NECAP1: variants seen among roughly 807,000 people sequenced by gnomAD.
NECAP1 encodes NECAP endocytosis associated 1, also known as adaptin ear-binding coat-associated protein 1.
In NECAP1, 13 loss-of-function variants were observed where a neutral mutation model predicts 33.4. That is an observed-to-expected ratio of 0.39 (90% confidence interval 0.25 to 0.62). The LOEUF (loss-of-function observed/expected upper bound fraction) is 0.62. NECAP1 is among the 20% of genes least tolerant of loss of function. NECAP1 has a pLI of 0.52. For synonymous variants in NECAP1, 109 were observed against 125.2 expected, an observed-to-expected ratio of 0.87 and a Z score of 0.86; for missense variants, 272 against 347.4, an observed-to-expected ratio of 0.78 and a Z score of 1.73.
At position 8,097,734 on chromosome 12, in the gene NECAP1, T is replaced by TAATACAC. The variant is rs1349682136; in HGVS notation, c.*1644_*1645insAATACAC. 1.3e-5 allele frequency: 2 copies of TAATACAC among 152,682 alleles called. No individual in the cohort carries two copies. The highest frequency in any genetic ancestry group is 1.5e-5 in the Non-Finnish European group (1 of 68,050). 9.5% of individuals were successfully genotyped at this position (152,682 alleles called of 1,614,324 possible). A position where few individuals can be genotyped will look rare whatever the true frequency, so the allele number is the denominator to read the frequency against. ...ATATGTATATAAAGTGTATGCTGTA[T>TAATACAC]TGGTGCAATAATGGTAATTAAAAAT... is the stretch of plus-strand genomic sequence containing the variant. On this transcript the variant is annotated 3_prime_UTR_variant, in exon 8 of 8. Transcript: ENST00000339754.
chr12:8,090,664 C>G (rs1947535359), intron 3 of NECAP1: 1 of 177,398 alleles, frequency 5.6e-6, no homozygotes, highest in Non-Finnish European at 1.2e-5. Flanking sequence ...AAAAATTAGC[C>G]AGGCGTGGTG....
At position 8,097,881 on chromosome 12, in the gene NECAP1, A is replaced by G. The variant is rs1367604273; in HGVS notation, c.*1791A>G. 6.6e-6 allele frequency: 1 copy of G among 152,336 alleles called. No individual in the cohort carries two copies. The highest frequency in any genetic ancestry group is 2.4e-5 in the African/African-American group (1 of 41,470). The allele number at this position is 152,336 out of a possible 1,614,324, so 9.4% of individuals were successfully genotyped here. A position where few individuals can be genotyped will look rare whatever the true frequency, so the allele number is the denominator to read the frequency against. ...TATTTATATCACTCTTTATTAAGAA[A>G]TAAGGCTTTTAAGAAGTTGAGACTA... On this transcript the variant is annotated 3_prime_UTR_variant, in exon 8 of 8. Coordinates refer to ENST00000339754, the MANE Select transcript of NECAP1 (RefSeq NM_015509.4).
intron 1 of NECAP1, among the ~76,000 whole-genome samples, chr12:8,087,415 C>T (rs1208244748): frequency 6.6e-6 from 1 of 151,640 alleles, no homozygotes; most frequent in Non-Finnish European, 1.5e-5. Context: ...GAATCTGCTG[C>T]CATGAATATC....
intron 6 of NECAP1, 78 bp from the exon 7 acceptor site, chr12:8,095,523 C>G (rs1438528443): frequency 8.9e-7 from 1 of 1,121,304 alleles, no homozygotes; most frequent in Non-Finnish European, 1.3e-6. Context: ...GCTGGGATTA[C>G]AGGCGTGAGC....
chr12:8,092,812 T>C (rs757093762), intron 5 of NECAP1, 28 bp downstream of exon 5: 1 of 1,600,920 alleles, frequency 6.2e-7, no homozygotes, highest in East Asian at 2.2e-5. Flanking sequence ...AAATTTTGTT[T>C]TCCTGTGCTT....
rs1460378819 is a variant in NECAP1, at chr12:8,096,393, A to T, written c.*303A>T. On this transcript the variant is annotated 3_prime_UTR_variant, in exon 8 of 8. Coordinates refer to ENST00000339754, the MANE Select transcript of NECAP1 (RefSeq NM_015509.4). ...GCCAGCGTCTGTTTGAGGGGGAATG[A>T]CCTCTAACATCTGTAAAATTTGTCT... 1.4e-5 allele frequency: 4 copies of T among 292,536 alleles called. No homozygotes were observed. Among genetic ancestry groups the T allele is most frequent in the Non-Finnish European group, 2.5e-5 (4 of 157,852 alleles). The allele number at this position is 292,536 out of a possible 1,614,324, so 18.1% of individuals were successfully genotyped here. A position where few individuals can be genotyped will look rare whatever the true frequency, so the allele number is the denominator to read the frequency against.
At position 8,095,692 on chromosome 12, in the gene NECAP1, C is replaced by T. The variant is rs1947588024; in HGVS notation, c.768C>T (p.Ser256=). The change falls in exon 7 of 8, where the codon AGC becomes AGT. Residue 256 remains serine (S), a synonymous_variant. Coordinates refer to ENST00000339754, the MANE Select transcript of NECAP1 (RefSeq NM_015509.4). ...SVSNDLWGDF[S]TASSSVPNQA... ...GCAATGACTTGTGGGGAGACTTCAGCACTGCCTCCAGGTAATGGGCATAGT... is the reference window on the plus strand; with the variant it reads ...GCAATGACTTGTGGGGAGACTTCAGTACTGCCTCCAGGTAATGGGCATAGT... The T allele has an allele frequency of 6.2e-7, 1 of 1,611,614 alleles. No homozygotes were observed. Among genetic ancestry groups the T allele is most frequent in the African/African-American group, 1.3e-5 (1 of 74,894 alleles).
At chr12:8,091,901 G>C (rs1051447608) in intron 4 of NECAP1, 51 bp downstream of exon 4, 1 of 1,464,638 alleles carries the variant, frequency 6.8e-7, no homozygotes, top group Non-Finnish European at 9.5e-7. Flanking sequence ...TAGGAATGCT[G>C]CTTCTCACAT....
At chr12:8,083,421 CTTTTTTTTTTTT>C (rs71042328) in intron 1 of NECAP1, among the ~76,000 whole-genome samples, 3 of 65,840 alleles carry the variant, frequency 4.6e-5, no homozygotes, top group Non-Finnish European at 5.2e-5. Flanking sequence ...TTTGTTTGTT[CTTTTTTTTTTTT>C]TTTTTTTTTT....
intron 1 of NECAP1, chr12:8,082,709 C>T (rs975567149): frequency 3.0e-5 from 9 of 301,828 alleles, no homozygotes; most frequent in Admixed American, 2.2e-4. Flanking sequence ...TTGCCAGTCC[C>T]CTTTCATTCG....
chr12:8,088,371 T>C (rs775163273), intron 1 of NECAP1, among the ~76,000 whole-genome samples: 1 of 152,156 alleles, frequency 6.6e-6, no homozygotes, highest in African/African-American at 2.4e-5. Context: ...CACCTTGGAG[T>C]TGTCCTTGGC....
intron 1 of NECAP1, among the ~76,000 whole-genome samples, chr12:8,085,686 C>CTTCTTTTTTTTTTTTTT (rs1947481617): frequency 2.9e-5 from 3 of 104,810 alleles, no homozygotes; most frequent in Non-Finnish European, 5.3e-5. Flanking sequence ...ACTTAATCTT[C>CTTCTTTTTTTTTTTTTT]TTTTTTTTTT....
At position 8,090,231 on chromosome 12, in the gene NECAP1, C is replaced by G; in HGVS notation, c.233C>G (p.Pro78Arg). Residue 78 changes from proline (P) to arginine (R), a missense_variant, in exon 3 of 8, where the codon CCT becomes CGT. Transcript: ENST00000339754. ...GCTCAGGCACCAGTAGAACAATATCCTGGTATTGCTGTGGAGACGGTGACA... is the reference window on the plus strand; with the variant it reads ...GCTCAGGCACCAGTAGAACAATATCGTGGTATTGCTGTGGAGACGGTGACA... ...LFAQAPVEQY[P>R]GIAVETVTDS... 1 of 1,614,122 alleles carries G rather than the reference C, an allele frequency of 6.2e-7. No individual in the cohort carries two copies. The highest frequency in any genetic ancestry group is 8.5e-7 in the Non-Finnish European group (1 of 1,180,034).
At chr12:8,093,204 C>A in intron 6 of NECAP1, 149 bp downstream of exon 6, 1 of 734,872 alleles carries the variant, frequency 1.4e-6, no homozygotes, top group Non-Finnish European at 2.2e-6. Context: ...GGAATCAAAG[C>A]TTTTCTAGTG....
intron 3 of NECAP1, chr12:8,091,423 T>G (rs1246654488): frequency 1.7e-5 from 5 of 290,250 alleles, no homozygotes; most frequent in South Asian, 9.0e-5. Flanking sequence ...GCCTTGGGCT[T>G]GTTTTCCTGC....
At chr12:8,095,538 G>A (rs952815499) in intron 6 of NECAP1, 63 bp from the exon 7 acceptor site, 21 of 1,372,976 alleles carry the variant, frequency 1.5e-5, no homozygotes, top group African/African-American at 1.0e-4. Flanking sequence ...GTGAGCCACC[G>A]CGCCCGGCCC....
intron 1 of NECAP1, among the ~76,000 whole-genome samples, chr12:8,085,384 A>G (rs1004144570): frequency 2.6e-5 from 4 of 152,158 alleles, no homozygotes; most frequent in Non-Finnish European, 5.9e-5. Flanking sequence ...TTAGTTTTCC[A>G]CAACCTTTAT....
intron 4 of NECAP1, 180 bp from the exon 5 acceptor site, chr12:8,092,496 G>A (rs1334706197): frequency 5.3e-6 from 3 of 562,772 alleles, no homozygotes; most frequent in Non-Finnish European, 9.4e-6. Context: ...AGAGTCCCCA[G>A]TGGAATTGAA....
rs1947601357 is a variant in NECAP1, at chr12:8,097,095, C to A, written c.*1005C>A. On this transcript the variant is annotated 3_prime_UTR_variant, in exon 8 of 8. Coordinates refer to ENST00000339754, the MANE Select transcript of NECAP1 (RefSeq NM_015509.4). ...ACATTTCTTTTCAGTTCATGTAGTTCTTTAATAGAAAGCTGCTATTATGTA... is the reference window on the plus strand; with the variant it reads ...ACATTTCTTTTCAGTTCATGTAGTTATTTAATAGAAAGCTGCTATTATGTA... The A allele has an allele frequency of 2.6e-5, 4 of 152,586 alleles. No homozygotes were observed. Among genetic ancestry groups the A allele is most frequent in the Admixed American group, 2.6e-4 (4 of 15,268 alleles). 9.5% of individuals were successfully genotyped at this position (152,586 alleles called of 1,614,324 possible).
Sources: allele counts gnomAD v4.1 joint callset (sites outside exome capture counted in the v4.1 genomes callset), GRCh38; gene constraint gnomAD v4.1.1; transcripts MANE v1.5; gene names NCBI Gene and HGNC (gene_info 2026-07-23, HGNC 2026-07-21).